The following TAMM41 variants were observed in gnomAD, a reference collection of about 807,000 sequenced individuals.
TAMM41 encodes the protein phosphatidate cytidylyltransferase, mitochondrial.
A neutral mutation model predicts 44.1 loss-of-function variants in TAMM41; 36 were observed. The observed-to-expected ratio is 0.82, with a 90% CI of 0.63 to 1.08. The LOEUF is 1.08. TAMM41 is among the 50% of genes least tolerant of loss of function. TAMM41 has a pLI of 0.00. For synonymous variants in TAMM41, 164 were observed against 153.1 expected, an observed-to-expected ratio of 1.07 and a Z score of -0.53; for missense variants, 417 against 404.3, an observed-to-expected ratio of 1.03 and a Z score of -0.27.
At chr3:11,782,546 C>CAAAAA in the TAMM41 span, among the ~76,000 whole-genome samples, 1 of 70,148 alleles carries the variant, frequency 1.4e-5, no homozygotes, top group African/African-American at 5.1e-5. Context: ...GACCCTGTCT[C>CAAAAA]AAAAAAAAAA....
chr3:11,752,823 T>A, the TAMM41 span, among the ~76,000 whole-genome samples: 3 of 151,678 alleles, frequency 2.0e-5, no homozygotes, highest in Non-Finnish European at 4.4e-5. Flanking sequence ...TAATTTTTAT[T>A]TTTTAATTTT....
At chr3:11,768,751 G>A in the TAMM41 span, among the ~76,000 whole-genome samples, 2 of 152,156 alleles carry the variant, frequency 1.3e-5, no homozygotes, top group African/African-American at 2.4e-5. Flanking sequence ...AATGAGACAA[G>A]GTTCCTGATT....
At chr3:11,793,083 AAG>A (rs1553566247) in intron 7 of TAMM41, among the ~76,000 whole-genome samples, 1 of 132,636 alleles carries the variant, frequency 7.5e-6, no homozygotes, top group Non-Finnish European at 1.6e-5. Context: ...AAAAAAAAAA[AAG>A]AGAGTGAAAT....
At chr3:11,819,370 G>C (rs1259123014) in intron 4 of TAMM41, among the ~76,000 whole-genome samples, 1 of 152,082 alleles carries the variant, frequency 6.6e-6, no homozygotes, top group Non-Finnish European at 1.5e-5. Flanking sequence ...ATACACAAGG[G>C]AACAAAGACA....
chr3:11,789,696 G>A (rs935045636), downstream of TAMM41, among the ~76,000 whole-genome samples: 1 of 152,164 alleles, frequency 6.6e-6, no homozygotes, highest in East Asian at 1.9e-4. Flanking sequence ...GGCTTGCTAG[G>A]GGCTGTTGGG....
chr3:11,845,451 A>T (rs2079640261), intron 1 of TAMM41, among the ~76,000 whole-genome samples: 1 of 152,198 alleles, frequency 6.6e-6, no homozygotes, highest in Admixed American at 6.5e-5. Flanking sequence ...GGCCATCAGG[A>T]GGCTAACGCC....
chr3:11,845,269 G>C (rs1464904339), intron 1 of TAMM41, among the ~76,000 whole-genome samples: 2 of 152,146 alleles, frequency 1.3e-5, no homozygotes, highest in African/African-American at 4.8e-5. Context: ...AATTATATTA[G>C]CTAAGGCGCT....
At chr3:11,771,958 G>A in the TAMM41 span, among the ~76,000 whole-genome samples, 104 of 152,140 alleles carry the variant, frequency 6.8e-4, no homozygotes, top group Non-Finnish European at 1.3e-3. Flanking sequence ...TGTGTATATT[G>A]TGTAGTGGTG....
At chr3:11,808,133 G>C (rs1361215022) in intron 6 of TAMM41, 1 of 986,378 alleles carries the variant, frequency 1.0e-6, no homozygotes, top group African/African-American at 1.7e-5. Flanking sequence ...TGACCGAACA[G>C]CTCTGTGCCT....
At chr3:11,752,735 G>A in the TAMM41 span, among the ~76,000 whole-genome samples, 1 of 147,862 alleles carries the variant, frequency 6.8e-6, no homozygotes, top group Non-Finnish European at 1.5e-5. Context: ...CAATTGCTGG[G>A]CTCAAGCGAT....
At chr3:11,723,856 C>T in the TAMM41 span, among the ~76,000 whole-genome samples, 1 of 151,842 alleles carries the variant, frequency 6.6e-6, no homozygotes. Context: ...TTTATAAATG[C>T]GCCAGAAGTG....
chr3:11,797,687 T>A (rs1235100866), intron 7 of TAMM41, among the ~76,000 whole-genome samples: 2 of 151,706 alleles, frequency 1.3e-5, no homozygotes, highest in Admixed American at 6.6e-5. Context: ...AACAAGACAG[T>A]GAAGAACAGA....
chr3:11,829,666 A>T, intron 4 of TAMM41, 48 bp downstream of exon 4: 1 of 1,603,702 alleles, frequency 6.2e-7, no homozygotes, highest in Non-Finnish European at 8.5e-7. Context: ...GCAGTCTTCA[A>T]ATATAAATCT....
chr3:11,786,280 T>A (rs1050678993), downstream of TAMM41, among the ~76,000 whole-genome samples: 60 of 109,068 alleles, frequency 5.5e-4, no homozygotes, highest in African/African-American at 2.0e-3. Flanking sequence ...TATTTATTTA[T>A]TTAATTTTAT....
rs1559317045 is a variant in TAMM41 at position 11,833,133 on chromosome 3, G to A, written c.412-3269C>T. ...CAGAGTGAAAAGCCAGTGAACTCTT[G>A]GGACACTGCCAGAGAGGCCTGGGAA... On this transcript the variant is annotated intron_variant, in intron 3 of 7. Coordinates refer to ENST00000455809, the MANE Select transcript of TAMM41 (RefSeq NM_001284401.2). The A allele has an allele frequency of 5.4e-6, 7 of 1,285,326 alleles. No homozygotes were observed. The South Asian group carries it at 8.8e-5, about 16-fold the overall frequency. The allele number at this position is 1,285,326 out of a possible 1,614,324, so 79.6% of individuals were successfully genotyped here.
intron 3 of TAMM41, chr3:11,833,235 C>G: frequency 9.2e-7 from 1 of 1,085,214 alleles, no homozygotes; most frequent in African/African-American, 1.7e-5. Context: ...GCATAGATAA[C>G]ATTAGCACGA....
At chr3:11,752,078 T>G in the TAMM41 span, among the ~76,000 whole-genome samples, 1 of 151,924 alleles carries the variant, frequency 6.6e-6, no homozygotes, top group Admixed American at 6.6e-5. Flanking sequence ...GTGTCCGGAG[T>G]TGGTTCCTTC....
At chr3:11,813,826 ATATG>A (rs1553573009) in intron 5 of TAMM41, among the ~76,000 whole-genome samples, 1 of 114,012 alleles carries the variant, frequency 8.8e-6, no homozygotes, top group Non-Finnish European at 1.8e-5. Flanking sequence ...GGGTACAAAT[ATATG>A]TGTGTGTGTG....
At chr3:11,722,084 ATTTG>A in the TAMM41 span, among the ~76,000 whole-genome samples, 4 of 152,198 alleles carry the variant, frequency 2.6e-5, no homozygotes, top group South Asian at 2.1e-4. Context: ...CAACATTGCC[ATTTG>A]TTTGCTGCTA....
Sources: allele counts gnomAD v4.1 joint callset (sites outside exome capture counted in the v4.1 genomes callset), GRCh38; gene constraint gnomAD v4.1.1; transcripts MANE v1.5; gene names NCBI Gene and HGNC (gene_info 2026-07-23, HGNC 2026-07-21).